SATB2: variants seen among roughly 807,000 people sequenced by gnomAD.
SATB2 encodes DNA-binding protein SATB2.
In SATB2, 1 loss-of-function variant was observed where a neutral mutation model predicts 73.4. The ratio of observed to expected loss-of-function variants is 0.01; its 90% CI spans 0.00 to 0.06. SATB2 has a LOEUF of 0.06. Among genes scored for constraint, SATB2 ranks in the 10% least tolerant of loss-of-function variants. The pLI is 1.00. For missense variants in SATB2, 459 were observed against 945.8 expected (o/e 0.49, Z 6.75); for synonymous variants, 397 against 367.0 (o/e 1.08, Z -0.93).
intron 6 of SATB2, among the ~76,000 whole-genome samples, chr2:199,367,588 T>C (rs1038132036): frequency 6.6e-6 from 1 of 152,168 alleles, no homozygotes; most frequent in Non-Finnish European, 1.5e-5. Flanking sequence ...AACAAATTCA[T>C]CCTTTACTTT....
intron 2 of SATB2, among the ~76,000 whole-genome samples, chr2:199,448,592 G>A (rs540613110): frequency 1.6e-4 from 24 of 152,198 alleles, no homozygotes; most frequent in African/African-American, 4.8e-4. Flanking sequence ...TAGCACTTTG[G>A]AAAACATTTG....
intron 3 of SATB2, among the ~76,000 whole-genome samples, chr2:199,426,182 A>G (rs183550086): frequency 4.8e-4 from 73 of 152,328 alleles, no homozygotes; most frequent in African/African-American, 1.6e-3. Flanking sequence ...AGTCTCCCAA[A>G]CATTTAGTGT....
chr2:199,346,218 C>T (rs1169669355), intron 7 of SATB2, among the ~76,000 whole-genome samples: 3 of 151,252 alleles, frequency 2.0e-5, no homozygotes, highest in African/African-American at 7.3e-5. Context: ...GGCGCAATCT[C>T]GGCTCACTGC....
rs375485613 is a variant in SATB2, at chr2:199,412,252, CTCAG to C, written c.346+21082_346+21085del. On this transcript the variant is annotated intron_variant, in intron 3 of 10. Transcript: ENST00000417098. ...GGAGGATATAAAATATGGTGGTAGC[CTCAG>C]TCAGGAAGCAAATACTAAGAATTCC... is the stretch of plus-strand genomic sequence containing the variant. 4.4e-3 allele frequency among the ~76,000 whole-genome samples: 669 copies of C among 152,270 alleles called. 4 individuals are homozygous for C. The highest frequency in any genetic ancestry group is 0.015 in the African/African-American group (619 of 41,558).
intron 3 of SATB2, among the ~76,000 whole-genome samples, chr2:199,385,807 G>GAGT: frequency 6.6e-6 from 1 of 152,266 alleles, no homozygotes; most frequent in East Asian, 1.9e-4. Flanking sequence ...CAAAGGTTAG[G>GAGT]AGTAAGGTCT....
chr2:199,442,760 A>G, intron 2 of SATB2, among the ~76,000 whole-genome samples: 1 of 152,272 alleles, frequency 6.6e-6, no homozygotes, highest in Non-Finnish European at 1.5e-5. Context: ...ATAAATAATT[A>G]AATAACTTTT....
intron 2 of SATB2, among the ~76,000 whole-genome samples, chr2:199,454,323 T>C (rs934008966): frequency 5.9e-5 from 9 of 152,148 alleles, no homozygotes; most frequent in Admixed American, 4.6e-4. Flanking sequence ...AAAGGCCACT[T>C]TGGAACACAC....
At chr2:199,378,036 G>T (rs907411624) in intron 5 of SATB2, among the ~76,000 whole-genome samples, 1 of 152,142 alleles carries the variant, frequency 6.6e-6, no homozygotes, top group African/African-American at 2.4e-5. Context: ...ATACAATGAT[G>T]CCCAGCTTAT....
chr2:199,289,127 T>C (rs559291997), intron 10 of SATB2, among the ~76,000 whole-genome samples: 1 of 152,340 alleles, frequency 6.6e-6, no homozygotes, highest in South Asian at 2.1e-4. Context: ...GGCTTTTCCA[T>C]TCTAAACCAC....
At chr2:199,396,435 CTTG>C (rs1198756317) in intron 3 of SATB2, 1 of 152,252 alleles carries the variant, frequency 6.6e-6, no homozygotes, top group East Asian at 1.9e-4. Context: ...ATTTAAGATA[CTTG>C]TTATTACAAG....
intron 1 of SATB2, among the ~76,000 whole-genome samples, chr2:199,456,928 C>T (rs1692294797): frequency 6.9e-6 from 1 of 145,150 alleles, no homozygotes; most frequent in Admixed American, 7.0e-5. Context: ...GTTGGCAGTG[C>T]GCTCCCCACG....
chr2:199,299,941 TTTTAG>T (rs1304692103), intron 10 of SATB2, among the ~76,000 whole-genome samples: 2 of 152,258 alleles, frequency 1.3e-5, no homozygotes, highest in African/African-American at 4.8e-5. Flanking sequence ...AGTACCTCAA[TTTTAG>T]TTTAGATTTA....
At chr2:199,423,600 C>T (rs971537336) in intron 3 of SATB2, 4 of 151,926 alleles carry the variant, frequency 2.6e-5, no homozygotes, top group African/African-American at 2.4e-5. Flanking sequence ...TAACATAGGC[C>T]CCCTTTAAAG....
intron 9 of SATB2, among the ~76,000 whole-genome samples, chr2:199,314,626 AAGTG>A (rs1687680906): frequency 6.6e-6 from 1 of 152,130 alleles, no homozygotes; most frequent in African/African-American, 2.4e-5. Context: ...GCCAACAAGA[AAGTG>A]AGTAATTCTG....
chr2:199,279,744 A>G (rs1432826426), intron 10 of SATB2, among the ~76,000 whole-genome samples: 2 of 152,252 alleles, frequency 1.3e-5, no homozygotes, highest in Non-Finnish European at 2.9e-5. Flanking sequence ...GGTTAATATT[A>G]GAATTATTTT....
At chr2:199,280,063 C>A (rs535980942) in intron 10 of SATB2, among the ~76,000 whole-genome samples, 3 of 152,150 alleles carry the variant, frequency 2.0e-5, no homozygotes, top group Non-Finnish European at 4.4e-5. Context: ...GGACCCCAAA[C>A]GGAGGGACTG....
chr2:199,365,369 T>C (rs1346102532), intron 6 of SATB2, among the ~76,000 whole-genome samples: 1 of 152,070 alleles, frequency 6.6e-6, no homozygotes, highest in African/African-American at 2.4e-5. Context: ...TTTTCTTCAA[T>C]GTCAAATATT....
At chr2:199,275,329 G>C (rs1276569990) in intron 10 of SATB2, among the ~76,000 whole-genome samples, 1 of 152,144 alleles carries the variant, frequency 6.6e-6, no homozygotes, top group Non-Finnish European at 1.5e-5. Flanking sequence ...CTGAGCACTA[G>C]TAATACATAT....
chr2:199,353,444 CATGCCTGGCTGATTTTACCTAA>C (rs1190240079), intron 6 of SATB2, among the ~76,000 whole-genome samples: 1 of 152,076 alleles, frequency 6.6e-6, no homozygotes, highest in Non-Finnish European at 1.5e-5. Flanking sequence ...CATGAGCCAC[CATGCCTGGCTGATTTTACCTAA>C]ATTGAAAACA....
Sources: gnomAD v4.1 joint callset for allele counts (sites outside exome capture counted in the v4.1 genomes callset) on GRCh38, gnomAD v4.1.1 for gene constraint, MANE v1.5 for transcripts, NCBI Gene and HGNC (gene_info 2026-07-23, HGNC 2026-07-21) for gene names.